ATP6V0A1: variants seen among roughly 807,000 people sequenced by gnomAD.
ATP6V0A1 encodes V-type proton ATPase 116 kDa subunit a 1.
ATP6V0A1 carries 43 observed loss-of-function variants against 105.4 expected under a neutral mutation model. That is an observed-to-expected ratio of 0.41 (90% CI 0.32 to 0.53). The LOEUF is 0.53. Among genes scored for constraint, ATP6V0A1 ranks in the 20% least tolerant of loss-of-function variants. The probability of loss-of-function intolerance (pLI) is 0.30; values close to 1 mark genes in which losing one functional copy is unlikely to be tolerated. For synonymous variants in ATP6V0A1, 362 were observed against 372.8 expected, an observed-to-expected ratio of 0.97 and a Z score of 0.33; for missense variants, 676 against 1,051.1, an observed-to-expected ratio of 0.64 and a Z score of 4.93.
intron 14 of ATP6V0A1, among the ~76,000 whole-genome samples, chr17:42,497,298 C>A (rs1441521328): frequency 9.2e-5 from 10 of 108,426 alleles, no homozygotes; most frequent in African/African-American, 3.0e-4. Context: ...AAGACCCTGT[C>A]TCAAAAAAAA....
rs530348509 is a variant in ATP6V0A1 at position 42,501,563 on chromosome 17, C to G, written c.2004+259C>G. The stretch of plus-strand genomic sequence containing the variant: ...CTGTGTCACTGGGATTATAGGTGTA[C>G]GCCACCACACCTGGCTAATTCTTGT... On this transcript the variant is annotated intron_variant, in intron 17 of 21. Transcript: ENST00000343619. Among the ~76,000 whole-genome samples, 13 of 152,078 alleles carry G rather than the reference C, an allele frequency of 8.5e-5. No individual in the cohort carries two copies. In the East Asian group the frequency reaches 2.5e-3, roughly 30 times the overall value.
At chr17:42,512,130 A>T (rs1363247987) in intron 19 of ATP6V0A1, among the ~76,000 whole-genome samples, 2 of 152,190 alleles carry the variant, frequency 1.3e-5, no homozygotes, top group African/African-American at 4.8e-5. Context: ...ATGGTTGGTC[A>T]TGGCCGATTG....
rs138224795 is a variant in ATP6V0A1 at position 42,511,898 on chromosome 17, G to A, written c.2131-1963G>A. 7.5e-3 allele frequency among the ~76,000 whole-genome samples: 1,138 copies of A among 152,266 alleles called. 8 individuals carry two copies. Among genetic ancestry groups the A allele is most frequent in the Non-Finnish European group, 0.011 (747 of 68,010 alleles). On this transcript the variant is annotated intron_variant, in intron 19 of 21. Coordinates refer to ENST00000343619, the MANE Select transcript of ATP6V0A1 (RefSeq NM_001130021.3). ...GAATTGCTTGAACCCGGGAGGCAGA[G>A]GTTGCAGTGAGCTGAGATCGCACCA...
chr17:42,490,671 G>T, intron 11 of ATP6V0A1, 34 bp downstream of exon 11: 1 of 1,557,452 alleles, frequency 6.4e-7, no homozygotes. Context: ...TTCCTCTAGA[G>T]TTTTTTTTGT....
At chr17:42,478,374 T>TATATAA in intron 6 of ATP6V0A1, 89 bp from the exon 7 acceptor site, 1 of 903,436 alleles carries the variant, frequency 1.1e-6, no homozygotes, top group Non-Finnish European at 1.4e-6. Flanking sequence ...AAAAGATATA[T>TATATAA]ATATAAATAT....
intron 17 of ATP6V0A1, among the ~76,000 whole-genome samples, chr17:42,506,487 C>T (rs1945791740): frequency 6.6e-6 from 1 of 152,234 alleles, no homozygotes; most frequent in South Asian, 2.1e-4. Flanking sequence ...GGATGAGGAG[C>T]GCAGGGCAGC....
intron 14 of ATP6V0A1, among the ~76,000 whole-genome samples, chr17:42,498,621 T>G (rs886864180): frequency 3.3e-5 from 5 of 151,910 alleles, no homozygotes; most frequent in African/African-American, 1.2e-4. Context: ...AGGTCATGAA[T>G]CGAGACCATC....
intron 3 of ATP6V0A1, among the ~76,000 whole-genome samples, chr17:42,467,350 C>G (rs983305870): frequency 9.2e-5 from 14 of 152,104 alleles, no homozygotes; most frequent in Admixed American, 2.0e-4. Context: ...GTATTTGAAG[C>G]CAGGTTGCTC....
chr17:42,493,223 C>T (rs1028975707), intron 11 of ATP6V0A1, among the ~76,000 whole-genome samples: 1 of 152,078 alleles, frequency 6.6e-6, no homozygotes, highest in African/African-American at 2.4e-5. Context: ...ACTTTAGGTA[C>T]AACACAGATT....
At chr17:42,466,400 A>G (rs766527684) in intron 2 of ATP6V0A1, 29 bp from the exon 3 acceptor site, 21 of 1,545,112 alleles carry the variant, frequency 1.4e-5, no homozygotes, top group Non-Finnish European at 1.6e-5. Context: ...CAATATTTCA[A>G]TGTTTGGTAT....
At chr17:42,501,105 C>A in intron 16 of ATP6V0A1, 92 bp from the exon 17 acceptor site, 1 of 1,184,976 alleles carries the variant, frequency 8.4e-7, no homozygotes, top group Non-Finnish European at 1.2e-6. Flanking sequence ...TAAGAAAGTA[C>A]TGTTGGGGGA....
At position 42,503,603 on chromosome 17, in the gene ATP6V0A1, C is replaced by T. The variant is rs552528307; in HGVS notation, c.2004+2299C>T. On this transcript the variant is annotated intron_variant, in intron 17 of 21. Transcript: ENST00000343619. ...CACAAATATATTAGCCTAATATATT[C>T]TAAGTTATGAATGAATCTATAAGAT... Among the ~76,000 whole-genome samples, 451 of 152,288 alleles carry T rather than the reference C, an allele frequency of 3.0e-3. 2 individuals are homozygous for T. The highest frequency in any genetic ancestry group is 0.01 in the African/African-American group (433 of 41,552).
At chr17:42,476,014 G>C (rs997205526) in intron 5 of ATP6V0A1, among the ~76,000 whole-genome samples, 4 of 152,148 alleles carry the variant, frequency 2.6e-5, no homozygotes, top group Non-Finnish European at 5.9e-5. Context: ...ATGGAGTCTT[G>C]TGAGTAGTCA....
intron 9 of ATP6V0A1, among the ~76,000 whole-genome samples, chr17:42,486,723 T>C (rs2090148821): frequency 6.6e-6 from 1 of 152,094 alleles, no homozygotes; most frequent in African/African-American, 2.4e-5. Context: ...CACTGCCTCT[T>C]TCCACCCTCT....
intron 7 of ATP6V0A1, 174 bp downstream of exon 7, chr17:42,478,763 C>A: frequency 3.8e-6 from 2 of 531,888 alleles, no homozygotes; most frequent in Non-Finnish European, 5.8e-6. Flanking sequence ...GTCATATATA[C>A]ATATGGATGT....
chr17:42,514,909 GC>G (rs1281208210), intron 21 of ATP6V0A1, among the ~76,000 whole-genome samples: 1 of 152,154 alleles, frequency 6.6e-6, no homozygotes, highest in Admixed American at 6.5e-5. Context: ...CTGTCATTGT[GC>G]CAGGGGTCTT....
intron 8 of ATP6V0A1, among the ~76,000 whole-genome samples, chr17:42,481,891 G>T (rs1045417119): frequency 2.0e-5 from 3 of 152,090 alleles, no homozygotes; most frequent in Admixed American, 6.5e-5. Context: ...ACCCAGGCTG[G>T]AGTGCAGTGG....
chr17:42,484,942 C>G (rs2089956486), intron 9 of ATP6V0A1, among the ~76,000 whole-genome samples: 1 of 150,886 alleles, frequency 6.6e-6, no homozygotes, highest in African/African-American at 2.4e-5. Flanking sequence ...CTCTGCCTCA[C>G]AGATTCAAGC....
At chr17:42,493,559 G>T (rs1306172964) in intron 11 of ATP6V0A1, among the ~76,000 whole-genome samples, 4 of 152,216 alleles carry the variant, frequency 2.6e-5, no homozygotes, top group Non-Finnish European at 5.9e-5. Flanking sequence ...TATTCAGGAG[G>T]CTGAGGTGGG....
Sources: gnomAD v4.1 joint callset for allele counts (sites outside exome capture counted in the v4.1 genomes callset) on GRCh38, gnomAD v4.1.1 for gene constraint, MANE v1.5 for transcripts, NCBI Gene and HGNC (gene_info 2026-07-23, HGNC 2026-07-21) for gene names.